Variants in MECOM observed in about 807,000 individuals in gnomAD.
MECOM encodes histone-lysine N-methyltransferase MECOM.
Under a neutral mutation model 116.3 loss-of-function variants are expected in MECOM, and 13 were observed. The observed-to-expected ratio is 0.11, with a 90% CI of 0.07 to 0.18. MECOM has a LOEUF of 0.18. MECOM is among the 10% of genes least tolerant of loss of function. The pLI, the probability that MECOM is intolerant of heterozygous loss-of-function variation, is 1.00. For missense variants in MECOM, 1,299 were observed against 1,509.0 expected, an observed-to-expected ratio of 0.86 and a Z score of 2.31; for synonymous variants, 528 against 535.2, an observed-to-expected ratio of 0.99 and a Z score of 0.19.
At chr3:169,524,449 A>G (rs1413492897) in intron 1 of MECOM, among the ~76,000 whole-genome samples, 1 of 152,230 alleles carries the variant, frequency 6.6e-6, no homozygotes, top group African/African-American at 2.4e-5. Context: ...GCAAGTAGAA[A>G]TACCTGGTGC....
chr3:169,663,480 CTCTCTCTCT>C lies in MECOM; in HGVS notation c.-117_-109del. 1 of 53,748 alleles carries C rather than the reference CTCTCTCTCT, an allele frequency of 1.9e-5. No homozygotes were observed. Among genetic ancestry groups the C allele is most frequent in the Non-Finnish European group, 3.6e-5 (1 of 27,634 alleles). The allele number at this position is 53,748 out of a possible 1,614,324, so 3.3% of individuals were successfully genotyped here. ...CTCCCTCCCTCTCTCTCCTGTCTCT[CTCTCTCTCT>C]CTCTCTCTCTCTCTCTCTCTCTCTC... On this transcript the variant is annotated 5_prime_UTR_variant, in exon 1 of 17. Transcript: ENST00000651503.
intron 1 of MECOM, among the ~76,000 whole-genome samples, chr3:169,590,199 T>C (rs1766245001): frequency 6.6e-6 from 1 of 152,208 alleles, no homozygotes; most frequent in Admixed American, 6.5e-5. Flanking sequence ...TTTTCTAACA[T>C]GCTACATCTC....
At chr3:169,264,943 C>A (rs1233611082) in intron 2 of MECOM, among the ~76,000 whole-genome samples, 1 of 151,948 alleles carries the variant, frequency 6.6e-6, no homozygotes, top group African/African-American at 2.4e-5. Flanking sequence ...GTGCTCAGGG[C>A]TAACTGTTGC....
intron 2 of MECOM, among the ~76,000 whole-genome samples, chr3:169,324,121 G>C (rs1283457784): frequency 6.6e-6 from 1 of 152,154 alleles, no homozygotes; most frequent in African/African-American, 2.4e-5. Flanking sequence ...CCAGAGTAGG[G>C]GCATGGGGGT....
intron 1 of MECOM, among the ~76,000 whole-genome samples, chr3:169,433,555 A>C (rs1742009630): frequency 6.7e-6 from 1 of 150,066 alleles, no homozygotes; most frequent in Admixed American, 6.7e-5. Flanking sequence ...GAAAAGAAAG[A>C]AAGAGGAAGG....
chr3:169,143,800 G>A lies in MECOM; in HGVS notation c.408C>T (p.Cys136=), dbSNP rs768007107. 18 of 1,609,616 alleles carry A rather than the reference G, an allele frequency of 1.1e-5. No homozygotes were observed. In the East Asian group the frequency reaches 4.0e-4, roughly 36 times the overall value. ...CAACATCTGGTTGACTGGCATCTAT[G>A]CAGAACTTCACATTGTAAAATTCGT... is the stretch of plus-strand genomic sequence containing the variant. ...ILDEFYNVKF[C]IDASQPDVGS... The change falls in exon 3 of 17, where the codon TGC becomes TGT. Residue 136 remains cysteine, a synonymous_variant. Transcript: ENST00000651503.
intron 1 of MECOM, among the ~76,000 whole-genome samples, chr3:169,446,792 G>A (rs892438889): frequency 6.6e-6 from 1 of 152,166 alleles, no homozygotes; most frequent in African/African-American, 2.4e-5. Context: ...ACCAAGATTT[G>A]AACCCAAGTC....
At chr3:169,430,877 T>A (rs1335273217) in intron 1 of MECOM, among the ~76,000 whole-genome samples, 1 of 152,146 alleles carries the variant, frequency 6.6e-6, no homozygotes, top group Non-Finnish European at 1.5e-5. Flanking sequence ...AGGTTCAAAG[T>A]GAGGCCAAAA....
At chr3:169,262,686 A>G (rs1303898502) in intron 2 of MECOM, among the ~76,000 whole-genome samples, 2 of 152,052 alleles carry the variant, frequency 1.3e-5, no homozygotes, top group Non-Finnish European at 2.9e-5. Context: ...CCTCAAACTC[A>G]TTTCTGGAGA....
At chr3:169,617,271 C>A (rs1770129702) in intron 1 of MECOM, among the ~76,000 whole-genome samples, 2 of 152,084 alleles carry the variant, frequency 1.3e-5, no homozygotes, top group African/African-American at 4.8e-5. Flanking sequence ...TATAACCTTA[C>A]AATAAAAGTA....
chr3:169,100,012 T>A (rs1228277808), intron 12 of MECOM, among the ~76,000 whole-genome samples: 1 of 152,018 alleles, frequency 6.6e-6, no homozygotes. Context: ...CTCTATTTTA[T>A]CTGTCCTACC....
chr3:169,131,107 C>CTTT (rs1734549057), intron 4 of MECOM, among the ~76,000 whole-genome samples: 1 of 152,114 alleles, frequency 6.6e-6, no homozygotes, highest in Non-Finnish European at 1.5e-5. Context: ...AATCAAGCTC[C>CTTT]CTGAAAGATC....
intron 2 of MECOM, among the ~76,000 whole-genome samples, chr3:169,357,860 A>G (rs1727531369): frequency 6.6e-6 from 1 of 151,844 alleles, no homozygotes; most frequent in South Asian, 2.1e-4. Context: ...GAGGTGAGGA[A>G]AAGAAGTCTA....
chr3:169,118,550 C>A (rs916432653), intron 7 of MECOM, among the ~76,000 whole-genome samples: 1 of 151,888 alleles, frequency 6.6e-6, no homozygotes, highest in African/African-American at 2.4e-5. Flanking sequence ...TAGCTACAAG[C>A]AATAACAATA....
At chr3:169,185,454 C>T (rs928458272) in intron 2 of MECOM, among the ~76,000 whole-genome samples, 1 of 152,034 alleles carries the variant, frequency 6.6e-6, no homozygotes, top group African/African-American at 2.4e-5. Flanking sequence ...TGTTACATAC[C>T]TTTTCAGGTG....
At chr3:169,274,197 G>A (rs1759313401) in intron 2 of MECOM, among the ~76,000 whole-genome samples, 1 of 152,030 alleles carries the variant, frequency 6.6e-6, no homozygotes, top group Non-Finnish European at 1.5e-5. Context: ...CAGGCATGAG[G>A]CACTGTGCCT....
chr3:169,393,701 A>G (rs73879061), intron 1 of MECOM, among the ~76,000 whole-genome samples: 3,061 of 152,198 alleles, frequency 0.02, 89 homozygotes, highest in African/African-American at 0.069. Flanking sequence ...TGATTTTTTT[A>G]TGAGTTTATT....
At chr3:169,379,605 C>T (rs1732069419) in intron 2 of MECOM, among the ~76,000 whole-genome samples, 1 of 152,028 alleles carries the variant, frequency 6.6e-6, no homozygotes. Flanking sequence ...TCCACCAATC[C>T]ATAGGTATTA....
At chr3:169,208,111 G>A (rs1280541821) in intron 2 of MECOM, among the ~76,000 whole-genome samples, 1 of 151,758 alleles carries the variant, frequency 6.6e-6, no homozygotes, top group African/African-American at 2.4e-5. Context: ...TCACACAGCT[G>A]GCAACGAGTC....
Sources: allele counts gnomAD v4.1 joint callset (sites outside exome capture counted in the v4.1 genomes callset), GRCh38; gene constraint gnomAD v4.1.1; transcripts MANE v1.5; gene names NCBI Gene and HGNC (gene_info 2026-07-23, HGNC 2026-07-21).